The following RMP64 variants were observed in gnomAD, a reference collection of about 807,000 sequenced individuals.
The protein encoded by RMP64 is nucleolus and neural progenitor protein.
the RMP64 span, chr3:113,008,711 C>T: frequency 3.5e-6 from 1 of 285,136 alleles, no homozygotes; most frequent in South Asian, 6.7e-5. Flanking sequence ...GCTCACTAAG[C>T]TTTCCTTATG....
the RMP64 span, chr3:113,003,451 G>A: frequency 6.6e-6 from 1 of 151,748 alleles, no homozygotes; most frequent in Non-Finnish European, 1.5e-5. Context: ...TTTTTTAAAT[G>A]TTAAATATTT....
chr3:113,004,591 C>CTAATTCTAG, the RMP64 span: 1 of 152,136 alleles, frequency 6.6e-6, no homozygotes. Context: ...GCTTAATAAC[C>CTAATTCTAG]TAATTCTAGT....
At chr3:113,010,412 T>G in the RMP64 span, 2 of 504,128 alleles carry the variant, frequency 4.0e-6, no homozygotes, top group Non-Finnish European at 7.0e-6. Flanking sequence ...ACTTTAAAAT[T>G]CTAGAGAAAC....
the RMP64 span, chr3:113,008,382 T>C: frequency 6.2e-7 from 1 of 1,613,446 alleles, no homozygotes; most frequent in Non-Finnish European, 8.5e-7. Context: ...GAAGAATACT[T>C]GGTTGTCTTT....
the RMP64 span, chr3:113,019,456 G>A: frequency 7.9e-6 from 9 of 1,145,670 alleles, no homozygotes; most frequent in Non-Finnish European, 1.1e-5. Context: ...GGGAAGTCCC[G>A]GTACCACCCC....
the RMP64 span, among the ~76,000 whole-genome samples, chr3:113,015,560 A>C: frequency 1.3e-5 from 2 of 150,908 alleles, no homozygotes; most frequent in Admixed American, 6.6e-5. Flanking sequence ...AGCATGCCCT[A>C]CATGTACTCC....
At chr3:113,015,858 TTA>T in the RMP64 span, among the ~76,000 whole-genome samples, 1 of 142,402 alleles carries the variant, frequency 7.0e-6, no homozygotes, top group African/African-American at 2.7e-5. Flanking sequence ...AGCCAAGAAT[TTA>T]AAAAAAAAAA....
the RMP64 span, chr3:113,006,061 G>C: frequency 8.3e-7 from 1 of 1,211,404 alleles, no homozygotes; most frequent in Non-Finnish European, 1.2e-6. Context: ...ACATTCTCAA[G>C]CACTTTTAAT....
the RMP64 span, chr3:113,011,081 G>C: frequency 2.5e-6 from 4 of 1,606,612 alleles, no homozygotes; most frequent in Non-Finnish European, 3.4e-6. Context: ...GGCTGTCCAA[G>C]ATCCACATTA....
chr3:113,016,841 C>G, the RMP64 span, among the ~76,000 whole-genome samples: 5 of 152,172 alleles, frequency 3.3e-5, no homozygotes, highest in Admixed American at 3.3e-4. Flanking sequence ...AAAATACTTG[C>G]AGAATTAAGT....
the RMP64 span, chr3:113,017,646 G>T: frequency 6.5e-7 from 1 of 1,540,262 alleles, no homozygotes; most frequent in Non-Finnish European, 8.9e-7. Context: ...TATTTCTACA[G>T]TAAGTATATT....
chr3:113,011,504 C>A, the RMP64 span: 1 of 1,089,500 alleles, frequency 9.2e-7, no homozygotes. Context: ...AAATGGCTAT[C>A]AAGGTCCTCC....
chr3:113,010,206 C>G, the RMP64 span, among the ~76,000 whole-genome samples: 797 of 152,252 alleles, frequency 5.2e-3, 29 homozygotes, highest in East Asian at 8.9e-3. Flanking sequence ...CTACCGAACG[C>G]TTTACATGCA....
chr3:113,009,761 T>C, the RMP64 span, among the ~76,000 whole-genome samples: 3 of 152,220 alleles, frequency 2.0e-5, no homozygotes, highest in East Asian at 5.8e-4. Flanking sequence ...TTTTGTGATA[T>C]AATTACATGA....
chr3:113,008,600 G>C, the RMP64 span: 1 of 568,222 alleles, frequency 1.8e-6, no homozygotes. Context: ...TGCACTATAT[G>C]CTTATAACAA....
At chr3:113,017,705 G>A in the RMP64 span, 1 of 1,121,066 alleles carries the variant, frequency 8.9e-7, no homozygotes, top group Non-Finnish European at 1.3e-6. Flanking sequence ...TGTTTTAAAG[G>A]AATCAAAAAC....
chr3:113,008,469 T>A, the RMP64 span: 1 of 1,545,764 alleles, frequency 6.5e-7, no homozygotes, highest in East Asian at 2.3e-5. Context: ...ATTGGACATG[T>A]TACTGACTTG....
At chr3:113,008,564 A>G in the RMP64 span, 2 of 707,896 alleles carry the variant, frequency 2.8e-6, no homozygotes, top group East Asian at 5.3e-5. Context: ...GAAGTGATGG[A>G]TACCCCATTT....
At chr3:113,002,480 C>A in the RMP64 span, 1 of 152,344 alleles carries the variant, frequency 6.6e-6, no homozygotes, top group South Asian at 2.1e-4. Flanking sequence ...GACTTATGCA[C>A]AGAAGCCATG....
Sources: gnomAD v4.1 joint callset for allele counts (sites outside exome capture counted in the v4.1 genomes callset) on GRCh38, gnomAD v4.1.1 for gene constraint, MANE v1.5 for transcripts, NCBI Gene and HGNC (gene_info 2026-07-23, HGNC 2026-07-21) for gene names.